The following TRPM2 variants were observed in gnomAD, a reference collection of about 807,000 sequenced individuals.
TRPM2 encodes the protein transient receptor potential cation channel subfamily M member 2.
A neutral mutation model predicts 174.0 loss-of-function variants in TRPM2; 161 were observed. That is an observed-to-expected ratio of 0.93 (90% CI 0.81 to 1.05). TRPM2 has a LOEUF of 1.05. TRPM2 is among the 50% of genes least tolerant of loss of function. The pLI is 0.00. For missense variants in TRPM2, 2,057 were observed against 2,038.0 expected, an observed-to-expected ratio of 1.01 and a Z score of -0.18; for synonymous variants, 954 against 861.3, an observed-to-expected ratio of 1.11 and a Z score of -1.88.
At chr21:44,411,142 T>C (rs1166714828) in intron 19 of TRPM2, among the ~76,000 whole-genome samples, 1 of 152,230 alleles carries the variant, frequency 6.6e-6, no homozygotes, top group African/African-American at 2.4e-5. Flanking sequence ...CCAGGATTGC[T>C]TTGGCCTCTG....
chr21:44,370,005 G>A (rs2048484227), intron 5 of TRPM2, among the ~76,000 whole-genome samples: 2 of 151,624 alleles, frequency 1.3e-5, no homozygotes, highest in Admixed American at 6.6e-5. Context: ...GTGCTGTGAG[G>A]AGCAGGTGGA....
intron 9 of TRPM2, among the ~76,000 whole-genome samples, chr21:44,383,296 C>T (rs934460060): frequency 1.3e-5 from 2 of 152,182 alleles, no homozygotes; most frequent in African/African-American, 4.8e-5. Flanking sequence ...ACATCACTGT[C>T]CTCTTCTCAT....
intron 2 of TRPM2, among the ~76,000 whole-genome samples, chr21:44,361,749 C>A (rs1046796434): frequency 2.0e-5 from 3 of 151,878 alleles, no homozygotes; most frequent in Non-Finnish European, 2.9e-5. Context: ...ACTCTGTTGC[C>A]CAGGCTGGAG....
rs1476920828 is a variant in TRPM2, at chr21:44,391,029, A to T, written c.1440+4A>T. 1 of 1,613,706 alleles carries T rather than the reference A, an allele frequency of 6.2e-7. No homozygotes were observed. The highest frequency in any genetic ancestry group is 1.3e-5 in the African/African-American group (1 of 75,022). ...CATGGATGAGTGGCAGTGGAAGGTA[A>T]GTCTTCCAGAGCACCCCGTGGAGGG... is the stretch of plus-strand genomic sequence containing the variant. On this transcript the variant is annotated splice_donor_region_variant and intron_variant, in intron 10 of 31. Transcript: ENST00000397928. This position sits in a 1 kb window ranked among gnomAD's most constrained non-coding sequence, Gnocchi z 5.0.
At chr21:44,435,461 C>T (rs563525147) in intron 28 of TRPM2, among the ~76,000 whole-genome samples, 1 of 152,138 alleles carries the variant, frequency 6.6e-6, no homozygotes, top group South Asian at 2.1e-4. Flanking sequence ...TCTCCCGGGG[C>T]TGCCTTCACT....
At chr21:44,398,947 G>A (rs2146272081) in intron 13 of TRPM2, among the ~76,000 whole-genome samples, 1 of 152,316 alleles carries the variant, frequency 6.6e-6, no homozygotes, top group Non-Finnish European at 1.5e-5. Flanking sequence ...CTGTTTGGAA[G>A]TTAAACTATA....
upstream of TRPM2, among the ~76,000 whole-genome samples, chr21:44,350,915 C>G (rs1602102950): frequency 6.6e-6 from 1 of 152,296 alleles, no homozygotes. Context: ...GGCCCCGCTT[C>G]TGGGGCGCTT....
At chr21:44,407,044 C>G (rs999600525) in intron 19 of TRPM2, among the ~76,000 whole-genome samples, 1 of 149,216 alleles carries the variant, frequency 6.7e-6, no homozygotes. Flanking sequence ...AGCTGACAGC[C>G]CCCTGAAATG....
intron 27 of TRPM2, among the ~76,000 whole-genome samples, 176 bp from the exon 28 acceptor site, chr21:44,434,955 G>T (rs2051178430): frequency 6.6e-6 from 1 of 152,068 alleles, no homozygotes; most frequent in Non-Finnish European, 1.5e-5. Flanking sequence ...CTCACTCCTT[G>T]GGGGTCCCAA....
chr21:44,396,544 GAGGGGTGTGGAGGCTGTGA>G (rs2049413792), intron 12 of TRPM2, among the ~76,000 whole-genome samples: 2 of 30,624 alleles, frequency 6.5e-5, no homozygotes, highest in Non-Finnish European at 1.3e-4. Flanking sequence ...GGAGGCTGTG[GAGGGGTGTGGAGGCTGTGA>G]AGGGGTGTGG....
In TRPM2 at chr21:44,390,754, T is replaced by G. The variant is rs112676058; in HGVS notation, c.1319-150T>G. ...ACATGCTTTTGCAAGGCTGTGTGTA[T>G]GGGAGGAGGTCACTGGGTGCTGCGC... is the stretch of plus-strand genomic sequence containing the variant. On this transcript the variant is annotated intron_variant, in intron 9 of 31. Transcript: ENST00000397928. 15 of 985,172 alleles carry G rather than the reference T, an allele frequency of 1.5e-5. No individual in the cohort carries two copies. In the African/African-American group the frequency reaches 2.1e-4, roughly 14 times the overall value. 61.0% of individuals were successfully genotyped at this position (985,172 alleles called of 1,614,324 possible). A position where few individuals can be genotyped will look rare whatever the true frequency, so the allele number is the denominator to read the frequency against.
chr21:44,407,931 A>AT (rs549069838), intron 19 of TRPM2, among the ~76,000 whole-genome samples: 53 of 148,372 alleles, frequency 3.6e-4, no homozygotes, highest in African/African-American at 5.9e-4. Context: ...TTAATATTTA[A>AT]TTTTTTTTTT....
At chr21:44,357,701 G>C (rs563828001) in intron 2 of TRPM2, among the ~76,000 whole-genome samples, 2 of 152,218 alleles carry the variant, frequency 1.3e-5, no homozygotes, top group Non-Finnish European at 2.9e-5. Context: ...CAGCTGTTCA[G>C]CACAAACCCA....
At chr21:44,358,247 C>T (rs182928718) in intron 2 of TRPM2, among the ~76,000 whole-genome samples, 2 of 152,314 alleles carry the variant, frequency 1.3e-5, no homozygotes, top group Non-Finnish European at 2.9e-5. Flanking sequence ...CACATTTTGC[C>T]ACCATGGATC....
Position 44,379,089 on chromosome 21 carries a change from G to A in TRPM2, c.1107G>A (p.Leu369=), listed in dbSNP as rs1325050745. 3 of 1,613,166 alleles carry A rather than the reference G, an allele frequency of 1.9e-6. No individual in the cohort carries two copies. The highest frequency in any genetic ancestry group is 2.5e-6 in the Non-Finnish European group (3 of 1,180,048). The part of the protein sequence containing the change: ...VADVIAQVAN[L]PVSDITISLI... ...ACGTCATTGCCCAGGTGGCCAACCT[G>A]CCTGTCTCGGACATCACTATCTCCC... Residue 369 remains leucine, a synonymous_variant, in exon 8 of 32, where the codon CTG becomes CTA. Coordinates refer to ENST00000397928, the MANE Select transcript of TRPM2 (RefSeq NM_003307.4).
intron 12 of TRPM2, among the ~76,000 whole-genome samples, chr21:44,396,937 GAGGGCT>G: frequency 6.7e-6 from 1 of 149,304 alleles, no homozygotes; most frequent in African/African-American, 2.5e-5. Flanking sequence ...GGGGGTTGTG[GAGGGCT>G]GTGGAGGCTG....
Position 44,427,110 on chromosome 21 carries a change from CT to C in TRPM2, c.3974del (p.Leu1325ArgfsTer44). On this transcript the variant is annotated frameshift_variant and splice_region_variant, in exon 27 of 32. Transcript: ENST00000397928. LOFTEE classifies it high-confidence loss of function. ...GTACACAGTGCAGGCCGGGTTGCCC[CT>C]GTGAGTGTGCCCCCTGCGGGCCCCG... ...GPYTVQAGLP[L>X]NPMGRTGLRG... The C allele has an allele frequency of 6.3e-7, 1 of 1,586,740 alleles. No individual in the cohort carries two copies. The highest frequency in any genetic ancestry group is 1.1e-5 in the South Asian group (1 of 87,258).
At position 44,375,974 on chromosome 21, in the gene TRPM2, C is replaced by G. The variant is rs533056162; in HGVS notation, c.913C>G (p.Leu305Val). ...GGTGGAGATTCCTCTGAGGACCAGG[C>G]TGGAGAAGTTCATATCGGAGCAGAC... Reference protein sequence around the residue: ...YGVEIPLRTRLEKFISEQTKE... With the variant: ...YGVEIPLRTRVEKFISEQTKE... Residue 305 changes from leucine (L) to valine (V), a missense_variant, in exon 6 of 32, where the codon CTG becomes GTG. By Grantham distance (32) the Leu-to-Val change is conservative (BLOSUM62 1). Transcript: ENST00000397928. The G allele has an allele frequency of 2.5e-6, 4 of 1,614,054 alleles. No homozygotes were observed. The South Asian group carries it at 3.3e-5, about 13-fold the overall frequency.
intron 26 of TRPM2, 92 bp downstream of exon 26, chr21:44,426,828 G>T (rs922168687): frequency 9.8e-6 from 15 of 1,527,906 alleles, no homozygotes; most frequent in Non-Finnish European, 1.4e-5. Context: ...AGCCCAGCCC[G>T]GGGAGGTCCA....
Sources: allele counts gnomAD v4.1 joint callset (sites outside exome capture counted in the v4.1 genomes callset), GRCh38; gene constraint gnomAD v4.1.1; non-coding constraint Gnocchi (gnomAD v3.1); transcripts MANE v1.5; gene names NCBI Gene and HGNC (gene_info 2026-07-23, HGNC 2026-07-21).